The following MYH14 variants were observed in gnomAD, a reference collection of about 807,000 sequenced individuals.
The protein encoded by MYH14 is myosin-14.
A neutral mutation model predicts 255.5 loss-of-function variants in MYH14; 123 were observed. The ratio of observed to expected loss-of-function variants is 0.48; its 90% CI spans 0.42 to 0.56. MYH14 has a LOEUF of 0.56. Among genes scored for constraint, MYH14 ranks in the 20% least tolerant of loss-of-function variants. The probability of loss-of-function intolerance (pLI) is 0.00; values close to 1 mark genes in which losing one functional copy is unlikely to be tolerated. For synonymous variants in MYH14, 1,095 were observed against 1,161.2 expected (o/e 0.94, Z 1.16); for missense variants, 2,423 against 2,802.3 (o/e 0.86, Z 3.06).
intron 40 of MYH14, among the ~76,000 whole-genome samples, chr19:50,302,769 G>A (rs761585660): frequency 2.6e-5 from 4 of 152,046 alleles, no homozygotes; most frequent in Non-Finnish European, 5.9e-5. Flanking sequence ...GGGCGTGGTG[G>A]CACGTGCCTG....
chr19:50,265,735 C>T (rs1273347148), intron 22 of MYH14, among the ~76,000 whole-genome samples: 1 of 151,808 alleles, frequency 6.6e-6, no homozygotes, highest in Admixed American at 6.6e-5. Flanking sequence ...GCAGGTGAAT[C>T]GCTTGAACTT....
intron 18 of MYH14, chr19:50,258,861 T>A: frequency 2.9e-5 from 9 of 307,724 alleles, no homozygotes; most frequent in East Asian, 5.4e-5. Flanking sequence ...CCCACCCACA[T>A]CCCTCCCTGC....
chr19:50,218,730 C>A (rs947542672), intron 3 of MYH14, among the ~76,000 whole-genome samples: 8 of 151,972 alleles, frequency 5.3e-5, no homozygotes, highest in Non-Finnish European at 8.8e-5. Context: ...GTACACTGCA[C>A]CCAATGTGTA....
At chr19:50,229,513 A>T (rs536962894) in intron 8 of MYH14, among the ~76,000 whole-genome samples, 7 of 152,148 alleles carry the variant, frequency 4.6e-5, no homozygotes, top group African/African-American at 1.4e-4. Context: ...GTGGTTGTGC[A>T]CACCTGTAGT....
chr19:50,250,751 C>T lies in MYH14; in HGVS notation c.1830+63C>T. Reference sequence around the variant, plus strand: ...GGGATCAAGGGATCTCCACTGGCTACAGATGGGGGGAGGGTGCAGAGGGAA... The same window carrying T: ...GGGATCAAGGGATCTCCACTGGCTATAGATGGGGGGAGGGTGCAGAGGGAA... On this transcript the variant is annotated intron_variant, in intron 15 of 42. Transcript: ENST00000642316. The surrounding 1 kb of genome is among the most constrained non-coding windows in gnomAD (Gnocchi z 5.4). 6.6e-7 allele frequency: 1 copy of T among 1,525,280 alleles called. No homozygotes were observed. Among genetic ancestry groups the T allele is most frequent in the Non-Finnish European group, 8.9e-7 (1 of 1,117,434 alleles). The allele number at this position is 1,525,280 out of a possible 1,614,324, so 94.5% of individuals were successfully genotyped here. A position where few individuals can be genotyped will look rare whatever the true frequency, so the allele number is the denominator to read the frequency against.
chr19:50,279,963 A>T, intron 30 of MYH14, 74 bp from the exon 31 acceptor site: 1 of 1,027,944 alleles, frequency 9.7e-7, no homozygotes, highest in Non-Finnish European at 1.5e-6. Flanking sequence ...CCAGTGTGGT[A>T]GAGAGTTGAG....
intron 5 of MYH14, 122 bp from the exon 6 acceptor site, chr19:50,224,032 T>TGCCCCCCCCCCCC: frequency 3.3e-6 from 2 of 610,326 alleles, no homozygotes; most frequent in Non-Finnish European, 6.1e-6. Flanking sequence ...ATGCCCGGTT[T>TGCCCCCCCCCCCC]CCCCAGTCCC....
At chr19:50,205,234 C>T (rs1173964489) in intron 1 of MYH14, among the ~76,000 whole-genome samples, 1 of 152,210 alleles carries the variant, frequency 6.6e-6, no homozygotes, top group African/African-American at 2.4e-5. Context: ...GTTTGAATCC[C>T]GGGAATCCTC....
rs944909305 is a variant in MYH14 at position 50,230,424 on chromosome 19, C to T, written c.875-101C>T. On this transcript the variant is annotated intron_variant, in intron 8 of 42. Coordinates refer to ENST00000642316, the MANE Select transcript of MYH14 (RefSeq NM_001145809.2). This position sits in a 1 kb window ranked among gnomAD's most constrained non-coding sequence, Gnocchi z 4.7. ...GGCTGTGAGCGACTCCACTACACCA[C>T]AGGAGAGAAGGGGGCAGCGTGGGCA... 2.8e-6 allele frequency: 3 copies of T among 1,055,068 alleles called. No homozygotes were observed. Among genetic ancestry groups the T allele is most frequent in the Non-Finnish European group, 4.3e-6 (3 of 700,592 alleles). The allele number at this position is 1,055,068 out of a possible 1,614,324, so 65.4% of individuals were successfully genotyped here.
At position 50,263,432 on chromosome 19, in the gene MYH14, C is replaced by A; in HGVS notation, c.2694+12C>A. ...GGCTGTTTACCAAGGTGAGGGCAGC[C>A]TGGGGAGGTGGCCCCAGTAGGGAGA... On this transcript the variant is annotated intron_variant, in intron 22 of 42. Coordinates refer to ENST00000642316, the MANE Select transcript of MYH14 (RefSeq NM_001145809.2). 6.3e-7 allele frequency: 1 copy of A among 1,578,758 alleles called. No individual in the cohort carries two copies. Among genetic ancestry groups the A allele is most frequent in the Non-Finnish European group, 8.6e-7 (1 of 1,161,616 alleles).
intron 10 of MYH14, among the ~76,000 whole-genome samples, chr19:50,239,061 C>T (rs2033785263): frequency 3.9e-5 from 6 of 152,198 alleles, no homozygotes; most frequent in Admixed American, 3.3e-4. Flanking sequence ...ACTCTGTCCC[C>T]CAGGCTGGAG....
rs1441319602 is a variant in MYH14 at position 50,259,049 on chromosome 19, A to C, written c.2233-95A>C. 4 of 1,468,430 alleles carry C rather than the reference A, an allele frequency of 2.7e-6. No individual in the cohort carries two copies. In the East Asian group the frequency reaches 7.5e-5, roughly 27 times the overall value. 91.0% of individuals were successfully genotyped at this position (1,468,430 alleles called of 1,614,324 possible). On this transcript the variant is annotated intron_variant, in intron 18 of 42. Coordinates refer to ENST00000642316, the MANE Select transcript of MYH14 (RefSeq NM_001145809.2). ...CCTAGGCACCTAGTAGGTGCTCAGT[A>C]AATTACATGTGGAAACAGGAAATTG...
At chr19:50,306,051 G>A (rs1418505976) in intron 40 of MYH14, among the ~76,000 whole-genome samples, 1 of 152,306 alleles carries the variant, frequency 6.6e-6, no homozygotes, top group East Asian at 1.9e-4. Flanking sequence ...GGCCGAGGCG[G>A]GCGGATCATC....
At chr19:50,284,934 T>C (rs1266510931) in intron 33 of MYH14, 1 of 124,218 alleles carries the variant, frequency 8.1e-6, no homozygotes, top group East Asian at 2.3e-4. Flanking sequence ...TTTTTTTTTT[T>C]TGCCCAGGCT....
intron 11 of MYH14, among the ~76,000 whole-genome samples, chr19:50,246,405 G>A (rs2034127005): frequency 1.3e-5 from 2 of 151,884 alleles, no homozygotes; most frequent in Admixed American, 6.6e-5. Context: ...CCTCCCGAAG[G>A]GCCTCCCTGG....
intron 10 of MYH14, among the ~76,000 whole-genome samples, chr19:50,232,528 A>C (rs2033449693): frequency 7.5e-6 from 1 of 133,924 alleles, no homozygotes; most frequent in Admixed American, 8.6e-5. Flanking sequence ...CAGGAGGCGG[A>C]GGTTGCAGTG....
chr19:50,211,815 CA>C (rs554010605), intron 2 of MYH14, among the ~76,000 whole-genome samples: 3,394 of 122,776 alleles, frequency 0.028, 51 homozygotes, highest in African/African-American at 0.055. Context: ...CCCATCCCTG[CA>C]AAAAAAAAAA....
chr19:50,250,238 CT>C lies in MYH14; in HGVS notation c.1657-276del, dbSNP rs1405924466. Among the ~76,000 whole-genome samples the C allele has an allele frequency of 7.5e-6, 1 of 132,780 alleles. No homozygotes were observed. The highest frequency in any genetic ancestry group is 8.3e-5 in the Admixed American group (1 of 11,982). 87.1% of individuals were successfully genotyped at this position (132,780 alleles called of 152,430 possible). A position where few individuals can be genotyped will look rare whatever the true frequency, so the allele number is the denominator to read the frequency against. On this transcript the variant is annotated intron_variant, in intron 14 of 42. Transcript: ENST00000642316. The surrounding 1 kb of genome is among the most constrained non-coding windows in gnomAD (Gnocchi z 5.4). ...GCCTCAGCCTCCCGAGTAGCTGGGA[CT>C]ACAGGTGCCCGCCACCACGCCCGGC...
chr19:50,230,929 G>A lies in MYH14; in HGVS notation c.973+306G>A. 1 of 383,778 alleles carries A rather than the reference G, an allele frequency of 2.6e-6. No individual in the cohort carries two copies. Among genetic ancestry groups the A allele is most frequent in the Non-Finnish European group, 4.9e-6 (1 of 206,028 alleles). 23.8% of individuals were successfully genotyped at this position (383,778 alleles called of 1,614,324 possible). Reference sequence around the variant, plus strand: ...TCCGAAGCTCCGTGGCTTCTCTCTCGCGCGGCTTCTCCTCACTCCGGCGGG... The same window carrying A: ...TCCGAAGCTCCGTGGCTTCTCTCTCACGCGGCTTCTCCTCACTCCGGCGGG... On this transcript the variant is annotated intron_variant, in intron 9 of 42. Transcript: ENST00000642316. This position sits in a 1 kb window ranked among gnomAD's most constrained non-coding sequence, Gnocchi z 4.7.
Sources: gnomAD v4.1 joint callset for allele counts (sites outside exome capture counted in the v4.1 genomes callset) on GRCh38, gnomAD v4.1.1 for gene constraint, Gnocchi (gnomAD v3.1) non-coding constraint, MANE v1.5 for transcripts, NCBI Gene and HGNC (gene_info 2026-07-23, HGNC 2026-07-21) for gene names.